Variants in BTBD16 observed in about 807,000 individuals in gnomAD.
The protein encoded by BTBD16 is BTB/POZ domain-containing protein 16.
BTBD16 carries 66 observed loss-of-function variants against 67.4 expected under a neutral mutation model. The observed-to-expected ratio is 0.98, with a 90% CI of 0.80 to 1.20. BTBD16 has a LOEUF of 1.20. BTBD16 is among the 50% of genes most tolerant of loss of function. The pLI is 0.00. For synonymous variants in BTBD16, 242 were observed against 236.4 expected (o/e 1.02, Z -0.22); for missense variants, 634 against 616.0 (o/e 1.03, Z -0.31).
intron 3 of BTBD16, among the ~76,000 whole-genome samples, chr10:122,280,260 G>A (rs1430524031): frequency 3.9e-5 from 6 of 152,210 alleles, no homozygotes; most frequent in African/African-American, 1.2e-4. Context: ...GCACATATAC[G>A]CTCAATGCAC....
At chr10:122,300,009 A>C (rs2096390923) in intron 9 of BTBD16, among the ~76,000 whole-genome samples, 1 of 152,092 alleles carries the variant, frequency 6.6e-6, no homozygotes, top group African/African-American at 2.4e-5. Flanking sequence ...CCTACCTGAA[A>C]TGCCTGTCCC....
intron 12 of BTBD16, 44 bp from the exon 13 acceptor site, chr10:122,332,392 C>T: frequency 1.3e-6 from 2 of 1,595,902 alleles, no homozygotes; most frequent in Non-Finnish European, 1.7e-6. Context: ...GCGCTCGTGT[C>T]CAGAGGATCC....
At chr10:122,295,458 A>G (rs2142073585) in intron 7 of BTBD16, 2 of 985,400 alleles carry the variant, frequency 2.0e-6, no homozygotes, top group Non-Finnish European at 2.4e-6. Context: ...CAGTCAGCAG[A>G]GCAGGAAGCC....
intron 10 of BTBD16, among the ~76,000 whole-genome samples, chr10:122,325,558 TGTG>T (rs200101862): frequency 0.011 from 1,609 of 152,204 alleles, 26 homozygotes; most frequent in African/African-American, 0.037. Flanking sequence ...GGTTCTAAAA[TGTG>T]GTGACCTTTG....
At chr10:122,335,015 A>G in intron 14 of BTBD16, 36 bp downstream of exon 14, 1 of 1,026,260 alleles carries the variant, frequency 9.7e-7, no homozygotes, top group African/African-American at 1.6e-5. Context: ...TGTCTCTGAG[A>G]CAGTCTTTTA....
chr10:122,295,669 C>A (rs1465187729), intron 7 of BTBD16, among the ~76,000 whole-genome samples: 2 of 152,114 alleles, frequency 1.3e-5, no homozygotes, highest in Non-Finnish European at 2.9e-5. Context: ...GCTCAAGAGA[C>A]AGCCAAGATG....
At chr10:122,298,322 C>G (rs2096387368) in intron 8 of BTBD16, among the ~76,000 whole-genome samples, 1 of 152,172 alleles carries the variant, frequency 6.6e-6, no homozygotes, top group South Asian at 2.1e-4. Flanking sequence ...CACCAGTGAC[C>G]TGGGGGGGGA....
Position 122,302,121 on chromosome 10 carries a change from C to T in BTBD16, c.791+2987C>T, listed in dbSNP as rs372485161. On this transcript the variant is annotated intron_variant, in intron 9 of 15. Coordinates refer to ENST00000260723, the MANE Select transcript of BTBD16 (RefSeq NM_144587.5). ...GGTCACATGTGTTTGGAACAACGTC[C>T]ATTTCTCAGCAGATGCTGCAGCTTC... is the stretch of plus-strand genomic sequence containing the variant. 6.4e-4 allele frequency among the ~76,000 whole-genome samples: 98 copies of T among 152,284 alleles called. 3 individuals are homozygous for T. In the South Asian group the frequency reaches 0.019, roughly 30 times the overall value.
At chr10:122,277,633 C>T (rs759124380) in intron 3 of BTBD16, among the ~76,000 whole-genome samples, 14 of 151,898 alleles carry the variant, frequency 9.2e-5, no homozygotes, top group South Asian at 4.2e-4. Context: ...ACATGGCAAG[C>T]GAGGAAGCAA....
At chr10:122,328,607 T>G (rs774407384) in intron 10 of BTBD16, 76 of 271,892 alleles carry the variant, frequency 2.8e-4, no homozygotes, top group Non-Finnish European at 4.0e-4. Context: ...TGGACACCAC[T>G]CTTGATTTAC....
intron 10 of BTBD16, among the ~76,000 whole-genome samples, chr10:122,326,658 A>G (rs2096445386): frequency 6.6e-6 from 1 of 152,186 alleles, no homozygotes; most frequent in Admixed American, 6.5e-5. Context: ...ACTTGTCCCC[A>G]GGTACTGTCT....
At chr10:122,298,209 A>G (rs1348425310) in intron 8 of BTBD16, among the ~76,000 whole-genome samples, 1 of 152,150 alleles carries the variant, frequency 6.6e-6, no homozygotes, top group Non-Finnish European at 1.5e-5. Flanking sequence ...ATCCAACCTC[A>G]TTCTCAGAGG....
At chr10:122,334,203 T>TTTTTA (rs1554894508) in intron 13 of BTBD16, among the ~76,000 whole-genome samples, 2,046 of 149,698 alleles carry the variant, frequency 0.014, 56 homozygotes, top group African/African-American at 0.048. Context: ...ACTTTTTTTT[T>TTTTTA]TTTTTTTTTT....
At chr10:122,285,716 T>C (rs1380894301) in intron 4 of BTBD16, among the ~76,000 whole-genome samples, 2 of 152,148 alleles carry the variant, frequency 1.3e-5, no homozygotes, top group South Asian at 4.1e-4. Flanking sequence ...GTGCCGGGGC[T>C]GAGAAACACT....
chr10:122,280,191 A>C (rs2096349853), intron 3 of BTBD16, among the ~76,000 whole-genome samples: 1 of 152,226 alleles, frequency 6.6e-6, no homozygotes. Context: ...ATACTGTCTT[A>C]CAGGGTTGTG....
At chr10:122,316,601 AG>A (rs2096424972) in intron 10 of BTBD16, among the ~76,000 whole-genome samples, 1 of 152,186 alleles carries the variant, frequency 6.6e-6, no homozygotes, top group Non-Finnish European at 1.5e-5. Flanking sequence ...TATCATAGGC[AG>A]TTGTAACACA....
intron 8 of BTBD16, among the ~76,000 whole-genome samples, chr10:122,298,380 G>A (rs1380032783): frequency 2.0e-5 from 3 of 151,994 alleles, no homozygotes; most frequent in Admixed American, 6.5e-5. Context: ...CCTCCCCTTC[G>A]CCCCACTGGT....
rs1037859193 is a variant in BTBD16 at position 122,332,448 on chromosome 10, G to T, written c.1099G>T (p.Gly367Cys). 2.8e-5 allele frequency: 45 copies of T among 1,613,942 alleles called. No homozygotes were observed. The highest frequency in any genetic ancestry group is 3.7e-5 in the Non-Finnish European group (44 of 1,180,016). ...ATTTTCCTTTCAGCTGGAGAATGGG[G>T]GCGACATGGTCCACCTGAAAGATCT... ...VNHYHALENG[G>C]DMVHLKDLNT... The change falls in exon 13 of 16, where the codon GGC becomes TGC. Residue 367 changes from glycine (G) to cysteine (C), a missense_variant. By Grantham distance (159) the Gly-to-Cys change is radical. Transcript: ENST00000260723.
chr10:122,275,678 G>A (rs1798165628), intron 2 of BTBD16, among the ~76,000 whole-genome samples: 1 of 152,146 alleles, frequency 6.6e-6, no homozygotes, highest in African/African-American at 2.4e-5. Context: ...GGTGGCTTGG[G>A]ATCAATGACA....
Sources: gnomAD v4.1 joint callset for allele counts (sites outside exome capture counted in the v4.1 genomes callset) on GRCh38, gnomAD v4.1.1 for gene constraint, MANE v1.5 for transcripts, NCBI Gene and HGNC (gene_info 2026-07-23, HGNC 2026-07-21) for gene names.